Variants in FOXP2 observed in about 807,000 individuals in gnomAD.
FOXP2 encodes forkhead box P2.
In FOXP2, 12 loss-of-function variants were observed where a neutral mutation model predicts 115.8. The ratio of observed to expected loss-of-function variants is 0.10; its 90% confidence interval spans 0.07 to 0.17. The LOEUF is 0.17. Among genes scored for constraint, FOXP2 ranks in the 10% least tolerant of loss-of-function variants. FOXP2 has a pLI of 1.00. For missense variants in FOXP2, 629 were observed against 843.5 expected (o/e 0.75, Z 3.15); for synonymous variants, 328 against 297.7 (o/e 1.10, Z -1.05).
At chr7:114,271,749 T>G (rs1353366354) in intron 1 of FOXP2, among the ~76,000 whole-genome samples, 2 of 118,124 alleles carry the variant, frequency 1.7e-5, no homozygotes, top group Admixed American at 2.1e-4. Context: ...TACATATGCA[T>G]TAAATATATA....
chr7:114,099,031 A>T (rs1156782853), intron 1 of FOXP2, among the ~76,000 whole-genome samples: 1 of 152,112 alleles, frequency 6.6e-6, no homozygotes, highest in African/African-American at 2.4e-5. Flanking sequence ...GCTACTCAGG[A>T]GGCTGGGGTG....
chr7:114,420,665 T>G (rs1793580974), intron 1 of FOXP2, among the ~76,000 whole-genome samples: 1 of 151,796 alleles, frequency 6.6e-6, no homozygotes, highest in African/African-American at 2.4e-5. Flanking sequence ...CATTTTGGCA[T>G]TATAAATTAA....
At position 114,240,452 on chromosome 7, in the gene FOXP2, T is replaced by C. The variant is rs143457349; in HGVS notation, c.-101-47567T>C. On this transcript the variant is annotated intron_variant, in intron 1 of 17. Transcript: ENST00000634411. ...GTGGGTAGAAACTATTGAATGCCTT[T>C]TCCATGATAATTTATTACCTTTAAA... 1.5e-3 allele frequency among the ~76,000 whole-genome samples: 223 copies of C among 152,256 alleles called. 7 individuals carry two copies. In the East Asian group the frequency reaches 0.029, roughly 20 times the overall value.
chr7:114,563,433 G>T (rs1428804746), intron 3 of FOXP2, among the ~76,000 whole-genome samples: 1 of 151,990 alleles, frequency 6.6e-6, no homozygotes, highest in Non-Finnish European at 1.5e-5. Context: ...TTATATCAGT[G>T]GTCCAAAAAC....
intron 3 of FOXP2, among the ~76,000 whole-genome samples, chr7:114,571,212 GCATAGATAATGAGTTGATTCAACA>G (rs1187355269): frequency 6.6e-6 from 1 of 151,798 alleles, no homozygotes; most frequent in Non-Finnish European, 1.5e-5. Context: ...AAATAAATGG[GCATAGATAATGAGTTGATTCAACA>G]CATATTTTAG....
chr7:114,225,559 C>G (rs1025992381), intron 1 of FOXP2, among the ~76,000 whole-genome samples: 3 of 152,084 alleles, frequency 2.0e-5, no homozygotes, highest in African/African-American at 7.2e-5. Context: ...ATTCTCCTGC[C>G]TCAGTCTCCC....
intron 1 of FOXP2, among the ~76,000 whole-genome samples, chr7:114,224,271 G>A (rs1325786972): frequency 2.6e-5 from 4 of 151,922 alleles, no homozygotes; most frequent in Non-Finnish European, 5.9e-5. Context: ...TTTTTTATAT[G>A]AATTTTACAA....
intron 7 of FOXP2, among the ~76,000 whole-genome samples, 157 bp downstream of exon 7, chr7:114,642,780 A>G: frequency 1.2e-5 from 1 of 83,194 alleles, no homozygotes. Context: ...TTTATATATA[A>G]TATATATATA....
intron 2 of FOXP2, among the ~76,000 whole-genome samples, chr7:114,466,641 G>C (rs1795810417): frequency 6.6e-6 from 1 of 152,088 alleles, no homozygotes; most frequent in Admixed American, 6.5e-5. Flanking sequence ...TAAGCTGTCA[G>C]GTATCACTGA....
chr7:114,497,414 G>A (rs1377756406), intron 2 of FOXP2, among the ~76,000 whole-genome samples: 1 of 152,144 alleles, frequency 6.6e-6, no homozygotes, highest in Non-Finnish European at 1.5e-5. Flanking sequence ...TTGAGAGGCC[G>A]AGGCACCAGG....
chr7:114,515,001 A>C (rs1350465655), intron 2 of FOXP2, among the ~76,000 whole-genome samples: 1 of 151,630 alleles, frequency 6.6e-6, no homozygotes, highest in African/African-American at 2.4e-5. Flanking sequence ...GTTTACTGAG[A>C]ACGATGATTT....
chr7:114,222,865 C>CATAAATAAATAAATAA (rs1255324799), intron 1 of FOXP2, among the ~76,000 whole-genome samples: 3 of 152,120 alleles, frequency 2.0e-5, no homozygotes, highest in Non-Finnish European at 4.4e-5. Flanking sequence ...TTTGGCCACT[C>CATAAATAAATAAATAA]ATAAATAAAG....
intron 1 of FOXP2, among the ~76,000 whole-genome samples, chr7:114,280,560 A>T (rs932272198): frequency 6.6e-6 from 1 of 152,152 alleles, no homozygotes; most frequent in African/African-American, 2.4e-5. Flanking sequence ...AACATTTTTT[A>T]TAAAAGCTAT....
chr7:114,595,392 T>C (rs1040109825), intron 3 of FOXP2, among the ~76,000 whole-genome samples: 3 of 152,178 alleles, frequency 2.0e-5, no homozygotes, highest in African/African-American at 4.8e-5. Context: ...TCCAATAAAA[T>C]AGTATCTGTC....
chr7:114,350,917 C>T (rs763682033), intron 2 of FOXP2, among the ~76,000 whole-genome samples: 2 of 152,084 alleles, frequency 1.3e-5, no homozygotes, highest in South Asian at 2.1e-4. Context: ...GTAGTATTTG[C>T]GTATAACCTA....
At chr7:114,235,924 A>G (rs1459878709) in intron 1 of FOXP2, among the ~76,000 whole-genome samples, 1 of 152,228 alleles carries the variant, frequency 6.6e-6, no homozygotes, top group Non-Finnish European at 1.5e-5. Flanking sequence ...CCAACTGGAA[A>G]TAATTTCTCT....
intron 2 of FOXP2, among the ~76,000 whole-genome samples, chr7:114,329,806 C>T (rs1188548603): frequency 6.6e-6 from 1 of 151,554 alleles, no homozygotes; most frequent in African/African-American, 2.4e-5. Flanking sequence ...CCTCCCAAGT[C>T]GCTGGGATTA....
chr7:114,187,547 AAC>A (rs1793643294), intron 1 of FOXP2, among the ~76,000 whole-genome samples: 1 of 152,114 alleles, frequency 6.6e-6, no homozygotes, highest in Non-Finnish European at 1.5e-5. Context: ...TTTTCCCTAC[AAC>A]TCTTCTTCTG....
intron 2 of FOXP2, among the ~76,000 whole-genome samples, chr7:114,318,491 T>A (rs1797330107): frequency 6.6e-6 from 1 of 151,496 alleles, no homozygotes; most frequent in Admixed American, 6.6e-5. Flanking sequence ...GACGTAGTAG[T>A]GAACAAAACA....
Sources: allele counts gnomAD v4.1 joint callset (sites outside exome capture counted in the v4.1 genomes callset), GRCh38; gene constraint gnomAD v4.1.1; transcripts MANE v1.5; gene names NCBI Gene and HGNC (gene_info 2026-07-23, HGNC 2026-07-21).